Variants in PPP1R12A observed in about 807,000 individuals in gnomAD.
PPP1R12A encodes the protein myosin binding subunit.
Under a neutral mutation model 139.6 loss-of-function variants are expected in PPP1R12A, and 19 were observed. That is an observed-to-expected ratio of 0.14 (90% CI 0.09 to 0.20). The LOEUF (loss-of-function observed/expected upper bound fraction) is 0.20, where lower values mean the gene tolerates loss of function less well. PPP1R12A is among the 10% of genes least tolerant of loss of function. The pLI, the probability that PPP1R12A is intolerant of heterozygous loss-of-function variation, is 1.00. For missense variants in PPP1R12A, 925 were observed against 1,211.5 expected (o/e 0.76, Z 3.51); for synonymous variants, 427 against 420.6 (o/e 1.02, Z -0.19).
intron 1 of PPP1R12A, among the ~76,000 whole-genome samples, chr12:79,899,594 C>A (rs1311801116): frequency 6.6e-6 from 1 of 152,048 alleles, no homozygotes; most frequent in Non-Finnish European, 1.5e-5. Context: ...CATAAATATT[C>A]CCTTATATAT....
intron 3 of PPP1R12A, among the ~76,000 whole-genome samples, chr12:79,842,912 C>T (rs1260636852): frequency 2.0e-5 from 3 of 152,036 alleles, no homozygotes; most frequent in Non-Finnish European, 4.4e-5. Context: ...CTTTTTTCAT[C>T]TTGCAAAAGA....
At chr12:79,855,027 C>T (rs1221906945) in intron 2 of PPP1R12A, among the ~76,000 whole-genome samples, 3 of 152,016 alleles carry the variant, frequency 2.0e-5, no homozygotes, top group Admixed American at 1.3e-4. Flanking sequence ...CTTGCTCTGT[C>T]GCCCAGGCTG....
intron 1 of PPP1R12A, among the ~76,000 whole-genome samples, chr12:79,902,338 C>A (rs1035426299): frequency 6.6e-6 from 1 of 152,006 alleles, no homozygotes; most frequent in Non-Finnish European, 1.5e-5. Flanking sequence ...ATTAGTACTG[C>A]GTTTTATATA....
At chr12:79,801,795 TA>T (rs1873216576) in intron 14 of PPP1R12A, among the ~76,000 whole-genome samples, 1 of 152,168 alleles carries the variant, frequency 6.6e-6, no homozygotes, top group Non-Finnish European at 1.5e-5. Flanking sequence ...AACTCTTACT[TA>T]TTGCTTAAAA....
chr12:79,907,303 A>C (rs1886210390), intron 1 of PPP1R12A, among the ~76,000 whole-genome samples: 1 of 152,226 alleles, frequency 6.6e-6, no homozygotes, highest in Non-Finnish European at 1.5e-5. Flanking sequence ...ATTTACAATA[A>C]ACATATTTTA....
intron 1 of PPP1R12A, among the ~76,000 whole-genome samples, chr12:79,932,749 C>G (rs1190734160): frequency 6.6e-6 from 1 of 152,148 alleles, no homozygotes; most frequent in Admixed American, 6.5e-5. Flanking sequence ...AAAAAAAGAT[C>G]TTAAGAAGGC....
chr12:79,814,414 T>G (rs1484630698), intron 9 of PPP1R12A, among the ~76,000 whole-genome samples: 1 of 145,670 alleles, frequency 6.9e-6, no homozygotes, highest in Non-Finnish European at 1.5e-5. Flanking sequence ...GAGGCGGAGC[T>G]TGCAGTGAGC....
chr12:79,782,314 C>T (rs1870554862), intron 22 of PPP1R12A: 1 of 216,682 alleles, frequency 4.6e-6, no homozygotes, highest in Non-Finnish European at 9.4e-6. Context: ...AGTAAACTGG[C>T]CTTTTTATCT....
chr12:79,921,619 T>C (rs1166530311), intron 1 of PPP1R12A, among the ~76,000 whole-genome samples: 3 of 152,200 alleles, frequency 2.0e-5, no homozygotes, highest in Non-Finnish European at 4.4e-5. Flanking sequence ...CATCGGCTCA[T>C]GCTGCCACCT....
At chr12:79,931,655 T>C (rs1377290278) in intron 1 of PPP1R12A, among the ~76,000 whole-genome samples, 3 of 152,216 alleles carry the variant, frequency 2.0e-5, no homozygotes, top group Non-Finnish European at 2.9e-5. Context: ...CTCTACCAGG[T>C]AGCTATAAAA....
At chr12:79,862,168 C>A (rs1027789681) in intron 2 of PPP1R12A, among the ~76,000 whole-genome samples, 12 of 152,138 alleles carry the variant, frequency 7.9e-5, no homozygotes, top group African/African-American at 2.7e-4. Flanking sequence ...TGGTGATGCC[C>A]AGGCAAACAG....
At chr12:79,784,205 T>C (rs1870822892) in intron 22 of PPP1R12A, among the ~76,000 whole-genome samples, 1 of 152,094 alleles carries the variant, frequency 6.6e-6, no homozygotes, top group Non-Finnish European at 1.5e-5. Context: ...TCAGGATAAA[T>C]ACCTGAAAGT....
chr12:79,830,492 T>TA (rs974351447), intron 4 of PPP1R12A, among the ~76,000 whole-genome samples: 2 of 152,130 alleles, frequency 1.3e-5, no homozygotes, highest in African/African-American at 2.4e-5. Flanking sequence ...GGAATATCTG[T>TA]AAAAAAACAA....
chr12:79,831,802 T>A (rs1472197235), intron 4 of PPP1R12A, among the ~76,000 whole-genome samples: 1 of 152,202 alleles, frequency 6.6e-6, no homozygotes, highest in African/African-American at 2.4e-5. Context: ...CCAAGCAAAT[T>A]TGCTAAACAA....
chr12:79,794,521 C>G (rs981201796), intron 18 of PPP1R12A, among the ~76,000 whole-genome samples: 3 of 151,240 alleles, frequency 2.0e-5, no homozygotes, highest in Admixed American at 6.6e-5. Context: ...TTAAAATGGA[C>G]TGAAACACTG....
chr12:79,892,516 T>C (rs1884750257), intron 1 of PPP1R12A, among the ~76,000 whole-genome samples: 1 of 152,206 alleles, frequency 6.6e-6, no homozygotes, highest in Non-Finnish European at 1.5e-5. Flanking sequence ...TGTCAACTTT[T>C]ATACATTTGC....
chr12:79,905,347 C>CCA (rs1491184667), intron 1 of PPP1R12A, among the ~76,000 whole-genome samples: 1 of 113,624 alleles, frequency 8.8e-6, no homozygotes. Context: ...CCGCCCCCCC[C>CCA]CACCCCTTTT....
rs1871544364 is a variant in PPP1R12A at position 79,789,568 on chromosome 12, CTTA to C, written c.2667-788_2667-786del. The C allele has an allele frequency of 9.1e-6, 4 of 437,578 alleles. 1 individual carries two copies. Among genetic ancestry groups the C allele is most frequent in the South Asian group, 6.6e-5 (4 of 60,834 alleles). 27.1% of individuals were successfully genotyped at this position (437,578 alleles called of 1,614,324 possible). A position where few individuals can be genotyped will look rare whatever the true frequency, so the allele number is the denominator to read the frequency against. ...TATCTTACTGGTAAAGGAGAATTCT[CTTA>C]TTATCTGGTTCTGAAATTCAGGTTA... On this transcript the variant is annotated intron_variant, in intron 20 of 24. Coordinates refer to ENST00000450142, the MANE Select transcript of PPP1R12A (RefSeq NM_002480.3).
chr12:79,794,603 A>C (rs1872280262), intron 18 of PPP1R12A, among the ~76,000 whole-genome samples: 1 of 152,048 alleles, frequency 6.6e-6, no homozygotes, highest in African/African-American at 2.4e-5. Flanking sequence ...AATAAATTGA[A>C]AATAACAGAA....
Sources: gnomAD v4.1 joint callset for allele counts (sites outside exome capture counted in the v4.1 genomes callset) on GRCh38, gnomAD v4.1.1 for gene constraint, MANE v1.5 for transcripts, NCBI Gene and HGNC (gene_info 2026-07-23, HGNC 2026-07-21) for gene names.